Variants in RGS8 observed in about 807,000 individuals in gnomAD.
RGS8 encodes the protein regulator of G-protein signaling 8.
RGS8 carries 8 observed loss-of-function variants against 21.7 expected under a neutral mutation model. The observed-to-expected ratio is 0.37, with a 90% CI of 0.22 to 0.66. The LOEUF (loss-of-function observed/expected upper bound fraction) is 0.66. RGS8 is among the 30% of genes least tolerant of loss of function. The probability of loss-of-function intolerance (pLI) is 0.59; values close to 1 mark genes in which losing one functional copy is unlikely to be tolerated. For synonymous variants in RGS8, 80 were observed against 83.6 expected (o/e 0.96, Z 0.24); for missense variants, 157 against 217.9 (o/e 0.72, Z 1.76).
chr1:182,721,025 ATG>A, the RGS8 span, among the ~76,000 whole-genome samples: 76 of 84,586 alleles, frequency 9.0e-4, 5 homozygotes, highest in South Asian at 2.2e-3. Flanking sequence ...ACACATATAT[ATG>A]TGTGTATATA....
At chr1:182,710,455 T>C in the RGS8 span, among the ~76,000 whole-genome samples, 1 of 152,088 alleles carries the variant, frequency 6.6e-6, no homozygotes, top group Non-Finnish European at 1.5e-5. Flanking sequence ...GGTGTCCTCC[T>C]CCCCCAGGCT....
At chr1:182,648,050 C>T in intron 6 of RGS8, 87 bp downstream of exon 7, 2 of 1,254,902 alleles carry the variant, frequency 1.6e-6, no homozygotes, top group South Asian at 3.9e-5. Flanking sequence ...AGAAAGTCCT[C>T]ATCAAGCCTG....
chr1:182,683,341 T>C (rs1256757073), intron 1 of RGS8, among the ~76,000 whole-genome samples: 2 of 152,218 alleles, frequency 1.3e-5, no homozygotes, highest in South Asian at 2.1e-4. Context: ...CAAGAACTAC[T>C]ATGATCTCAT....
At chr1:182,707,976 G>T in the RGS8 span, among the ~76,000 whole-genome samples, 1 of 152,272 alleles carries the variant, frequency 6.6e-6, no homozygotes, top group South Asian at 2.1e-4. Context: ...AAAGTGCTGG[G>T]ATTACAGGCA....
At chr1:182,741,314 A>AC in the RGS8 span, among the ~76,000 whole-genome samples, 95,913 of 97,464 alleles carry the variant, frequency 0.98, 47,273 homozygotes, top group Middle Eastern at 1. Context: ...TGGGGGGCTG[A>AC]CCCCCCACCT....
chr1:182,680,867 G>A (rs1037104518), intron 1 of RGS8, among the ~76,000 whole-genome samples: 2 of 152,180 alleles, frequency 1.3e-5, no homozygotes, highest in African/African-American at 4.8e-5. Context: ...GTAGGATGCT[G>A]GCCAACAGAG....
At chr1:182,720,668 T>C in the RGS8 span, among the ~76,000 whole-genome samples, 1 of 151,990 alleles carries the variant, frequency 6.6e-6, no homozygotes, top group African/African-American at 2.4e-5. Flanking sequence ...GTACATTCCT[T>C]CCTCTAGGGC....
intron 5 of RGS8, among the ~76,000 whole-genome samples, chr1:182,650,922 A>G (rs1662981653): frequency 6.6e-6 from 1 of 152,212 alleles, no homozygotes; most frequent in African/African-American, 2.4e-5. Flanking sequence ...ACCACAAAGC[A>G]TAGAGAAAGT....
the RGS8 span, among the ~76,000 whole-genome samples, chr1:182,737,083 C>A: frequency 1.3e-5 from 2 of 151,994 alleles, no homozygotes; most frequent in Non-Finnish European, 2.9e-5. Context: ...CTATTCTTGC[C>A]TCTTCCAGCT....
intron 5 of RGS8, among the ~76,000 whole-genome samples, chr1:182,655,388 G>GC (rs1663225886): frequency 2.0e-5 from 3 of 152,340 alleles, no homozygotes; most frequent in Admixed American, 6.5e-5. Context: ...ACTGAGGAAG[G>GC]CAGAGGGGTA....
At chr1:182,652,533 A>G (rs1212356920) in intron 5 of RGS8, among the ~76,000 whole-genome samples, 1 of 152,262 alleles carries the variant, frequency 6.6e-6, no homozygotes, top group East Asian at 1.9e-4. Flanking sequence ...TGTAGCATTG[A>G]AAACTTCATA....
chr1:182,742,144 G>A, the RGS8 span, among the ~76,000 whole-genome samples: 5 of 150,040 alleles, frequency 3.3e-5, no homozygotes, highest in Admixed American at 1.3e-4. Context: ...GACGATGGGC[G>A]GCCGGGCAGA....
chr1:182,741,711 C>T, the RGS8 span, among the ~76,000 whole-genome samples: 5 of 103,570 alleles, frequency 4.8e-5, no homozygotes, highest in Non-Finnish European at 9.3e-5. Flanking sequence ...CGGGCAGAGG[C>T]GCCCCTCACC....
chr1:182,666,164 T>C, intron 4 of RGS8, 131 bp from the exon 6 acceptor site: 1 of 632,514 alleles, frequency 1.6e-6, no homozygotes, highest in South Asian at 2.1e-5. Context: ...ATGAAGACTA[T>C]ACCTGGATTC....
chr1:182,709,618 G>A, the RGS8 span, among the ~76,000 whole-genome samples: 1 of 152,124 alleles, frequency 6.6e-6, no homozygotes, highest in Non-Finnish European at 1.5e-5. Context: ...GCCACTGGGT[G>A]ATACTATATC....
intron 5 of RGS8, among the ~76,000 whole-genome samples, chr1:182,653,226 A>G (rs998435920): frequency 6.6e-6 from 1 of 152,176 alleles, no homozygotes; most frequent in Admixed American, 6.5e-5. Flanking sequence ...TCATGGTGTG[A>G]TGGGGTTCTA....
the RGS8 span, among the ~76,000 whole-genome samples, chr1:182,698,194 G>A: frequency 1.3e-5 from 2 of 152,200 alleles, no homozygotes; most frequent in East Asian, 1.9e-4. Context: ...GAAGAAAGAA[G>A]CCAAAGCCAC....
At chr1:182,702,397 A>AG in the RGS8 span, among the ~76,000 whole-genome samples, 3 of 152,170 alleles carry the variant, frequency 2.0e-5, no homozygotes, top group African/African-American at 4.8e-5. Flanking sequence ...GGAGGAAGTG[A>AG]GGGGGGCAAC....
At chr1:182,717,204 A>C in the RGS8 span, among the ~76,000 whole-genome samples, 1 of 152,218 alleles carries the variant, frequency 6.6e-6, no homozygotes, top group African/African-American at 2.4e-5. Flanking sequence ...GCTGCATTAT[A>C]ATTGTATGCA....
Sources: allele counts gnomAD v4.1 joint callset (sites outside exome capture counted in the v4.1 genomes callset), GRCh38; gene constraint gnomAD v4.1.1; transcripts MANE v1.5; gene names NCBI Gene and HGNC (gene_info 2026-07-23, HGNC 2026-07-21).